SAMD12: variants seen among roughly 807,000 people sequenced by gnomAD.
The protein encoded by SAMD12 is sterile alpha motif domain-containing protein 12.
SAMD12 carries 9 observed loss-of-function variants against 15.0 expected under a neutral mutation model. The ratio of observed to expected loss-of-function variants is 0.60; its 90% CI spans 0.36 to 1.05. The LOEUF (loss-of-function observed/expected upper bound fraction) is 1.05. Ranked by LOEUF, SAMD12 falls within the 50% of genes least tolerant of loss-of-function variation. The probability of loss-of-function intolerance (pLI) is 0.01; values close to 1 mark genes in which losing one functional copy is unlikely to be tolerated. For missense variants in SAMD12, 230 were observed against 234.2 expected, an observed-to-expected ratio of 0.98 and a Z score of 0.12; for synonymous variants, 86 against 90.1, an observed-to-expected ratio of 0.96 and a Z score of 0.25.
At chr8:118,380,145 T>A (rs1274177195) in intron 3 of SAMD12, among the ~76,000 whole-genome samples, 1 of 152,190 alleles carries the variant, frequency 6.6e-6, no homozygotes, top group Non-Finnish European at 1.5e-5. Flanking sequence ...AACAGTGGTA[T>A]ATACAGAAAC....
intron 2 of SAMD12, among the ~76,000 whole-genome samples, chr8:118,485,622 T>G (rs1824254720): frequency 6.6e-6 from 1 of 152,230 alleles, no homozygotes; most frequent in African/African-American, 2.4e-5. Flanking sequence ...TGCCTTCAGC[T>G]AGCAACATTT....
the SAMD12 span, among the ~76,000 whole-genome samples, chr8:118,167,437 A>G: frequency 1.3e-5 from 2 of 152,178 alleles, no homozygotes; most frequent in African/African-American, 4.8e-5. Flanking sequence ...CTTCAGTGTC[A>G]GAAAAGACTG....
At chr8:118,440,478 G>C (rs185155880) in intron 2 of SAMD12, among the ~76,000 whole-genome samples, 99 of 152,120 alleles carry the variant, frequency 6.5e-4, no homozygotes, top group Non-Finnish European at 1.2e-3. Flanking sequence ...TGGACTTAGG[G>C]TGGCCCTGAA....
intron 4 of SAMD12, among the ~76,000 whole-genome samples, chr8:118,225,280 A>G (rs1280183237): frequency 1.3e-5 from 2 of 152,154 alleles, no homozygotes; most frequent in Non-Finnish European, 2.9e-5. Context: ...TGTGTTATAC[A>G]TCTGTGCTAT....
chr8:118,548,860 G>A (rs1046431486), intron 2 of SAMD12, among the ~76,000 whole-genome samples: 1 of 152,098 alleles, frequency 6.6e-6, no homozygotes, highest in African/African-American at 2.4e-5. Flanking sequence ...AAAAAATGGT[G>A]CACCACGAGA....
intron 2 of SAMD12, among the ~76,000 whole-genome samples, chr8:118,483,819 C>T (rs553604987): frequency 2.0e-5 from 3 of 152,196 alleles, no homozygotes; most frequent in East Asian, 3.9e-4. Flanking sequence ...GTCATTCTTA[C>T]CCCCATTTCG....
At chr8:118,367,650 G>C (rs1295918718) in intron 4 of SAMD12, among the ~76,000 whole-genome samples, 1 of 152,050 alleles carries the variant, frequency 6.6e-6, no homozygotes, top group Non-Finnish European at 1.5e-5. Flanking sequence ...AGTTCTGCAG[G>C]GGCAGACATG....
intron 3 of SAMD12, among the ~76,000 whole-genome samples, chr8:118,423,740 T>C (rs553029475): frequency 3.9e-5 from 6 of 152,312 alleles, no homozygotes; most frequent in African/African-American, 1.4e-4. Context: ...GTATAACATG[T>C]GAAAAGCTAT....
chr8:118,324,698 AAAG>A (rs1182627493), intron 4 of SAMD12, among the ~76,000 whole-genome samples: 1 of 152,204 alleles, frequency 6.6e-6, no homozygotes, highest in East Asian at 1.9e-4. Context: ...AAATGGGTAG[AAAG>A]AAGATTGCCC....
chr8:118,461,251 G>A (rs1291728866), intron 2 of SAMD12, among the ~76,000 whole-genome samples: 1 of 152,110 alleles, frequency 6.6e-6, no homozygotes, highest in Non-Finnish European at 1.5e-5. Context: ...TCCATACTTC[G>A]CATGGTCTGC....
intron 2 of SAMD12, among the ~76,000 whole-genome samples, chr8:118,468,361 C>A (rs1264980890): frequency 2.0e-5 from 3 of 152,144 alleles, no homozygotes; most frequent in Non-Finnish European, 4.4e-5. Context: ...AAAAAACCCA[C>A]TCCTCTTGGC....
At chr8:118,367,143 G>T (rs1818844095) in intron 4 of SAMD12, among the ~76,000 whole-genome samples, 1 of 151,926 alleles carries the variant, frequency 6.6e-6, no homozygotes, top group African/African-American at 2.4e-5. Flanking sequence ...AGGGGTTTTT[G>T]CCAGACACCG....
rs190041111 is a variant in SAMD12 at position 118,363,485 on chromosome 8, T to C, written c.433+16075A>G. Among the ~76,000 whole-genome samples, 839 of 152,302 alleles carry C rather than the reference T, an allele frequency of 5.5e-3. 4 individuals are homozygous for C. Among genetic ancestry groups the C allele is most frequent in the Admixed American group, 0.015 (223 of 15,286 alleles). On this transcript the variant is annotated intron_variant, in intron 4 of 4. Transcript: ENST00000409003. ...GCCTTGAGCTGAGACACTGGGTTTT[T>C]TTTTCCTGTCTTTAGACCTGAACTT...
intron 3 of SAMD12, among the ~76,000 whole-genome samples, chr8:118,438,466 A>G (rs990684372): frequency 7.2e-5 from 11 of 151,910 alleles, no homozygotes; most frequent in Admixed American, 5.2e-4. Context: ...AGTTTTCTGT[A>G]TGGTTCAAAT....
intron 1 of SAMD12, among the ~76,000 whole-genome samples, chr8:118,617,655 T>C (rs74931786): frequency 5.3e-5 from 8 of 152,168 alleles, no homozygotes; most frequent in Middle Eastern, 3.4e-3. Flanking sequence ...ATTTTTTTCA[T>C]AAATATCTGA....
At chr8:118,408,522 C>G (rs946070092) in intron 3 of SAMD12, among the ~76,000 whole-genome samples, 1 of 152,150 alleles carries the variant, frequency 6.6e-6, no homozygotes, top group Non-Finnish European at 1.5e-5. Context: ...AATAAGGATT[C>G]TGGAAGAAGC....
At chr8:118,254,288 G>A (rs957127340) in intron 4 of SAMD12, among the ~76,000 whole-genome samples, 1 of 152,150 alleles carries the variant, frequency 6.6e-6, no homozygotes. Context: ...GGGTCTTTCA[G>A]CCGGGGGTTG....
intron 2 of SAMD12, among the ~76,000 whole-genome samples, chr8:118,551,824 A>G (rs968554014): frequency 2.5e-4 from 38 of 152,226 alleles, no homozygotes; most frequent in Admixed American, 7.8e-4. Flanking sequence ...AACAGATGCA[A>G]TAAAAAATGA....
chr8:118,550,970 A>G (rs530318788), intron 2 of SAMD12, among the ~76,000 whole-genome samples: 1 of 151,706 alleles, frequency 6.6e-6, no homozygotes, highest in Admixed American at 6.6e-5. Context: ...ATTCAACAAG[A>G]AGAGCTAACT....
Sources: allele counts gnomAD v4.1 joint callset (sites outside exome capture counted in the v4.1 genomes callset), GRCh38; gene constraint gnomAD v4.1.1; transcripts MANE v1.5; gene names NCBI Gene and HGNC (gene_info 2026-07-23, HGNC 2026-07-21).